Variants in AGMO observed in about 807,000 individuals in gnomAD.
AGMO encodes alkylglycerol monooxygenase, also known as glyceryl-ether monooxygenase.
Under a neutral mutation model 60.2 loss-of-function variants are expected in AGMO, and 75 were observed. That is an observed-to-expected ratio of 1.25 (90% confidence interval 1.03 to 1.51). The LOEUF is 1.51. Ranked by LOEUF, AGMO falls within the 40% of genes most tolerant of loss-of-function variation. AGMO has a pLI of 0.00. For missense variants in AGMO, 763 were observed against 525.5 expected (o/e 1.45, Z -4.42); for synonymous variants, 261 against 177.1 (o/e 1.47, Z -3.76).
chr7:15,124,391 C>T, the AGMO span, among the ~76,000 whole-genome samples: 2 of 151,804 alleles, frequency 1.3e-5, no homozygotes, highest in South Asian at 2.1e-4. Flanking sequence ...CCAGTTATCA[C>T]GGCAATAGAA....
At chr7:15,440,052 G>T (rs1051582636) in intron 3 of AGMO, among the ~76,000 whole-genome samples, 1 of 152,198 alleles carries the variant, frequency 6.6e-6, no homozygotes, top group Non-Finnish European at 1.5e-5. Flanking sequence ...AAGAGAAAGC[G>T]AGAGGGGGTT....
intron 10 of AGMO, among the ~76,000 whole-genome samples, chr7:15,373,041 T>TTCAA (rs919083870): frequency 3.5e-4 from 53 of 152,168 alleles, no homozygotes; most frequent in African/African-American, 1.2e-3. Context: ...AGGTCGGCAA[T>TTCAA]TCACTTGAGG....
At chr7:15,137,907 C>G in the AGMO span, among the ~76,000 whole-genome samples, 1 of 121,064 alleles carries the variant, frequency 8.3e-6, no homozygotes, top group Non-Finnish European at 1.6e-5. Context: ...TTAACTGAAA[C>G]AAGTGCTCTC....
chr7:15,154,150 C>G, the AGMO span, among the ~76,000 whole-genome samples: 1 of 152,090 alleles, frequency 6.6e-6, no homozygotes. Flanking sequence ...ATCCAAAAAG[C>G]TCCTAGAACT....
chr7:15,298,138 GAAAC>G (rs1457103518), intron 12 of AGMO, among the ~76,000 whole-genome samples: 18 of 152,214 alleles, frequency 1.2e-4, no homozygotes, highest in African/African-American at 4.1e-4. Flanking sequence ...TTAAAACTGA[GAAAC>G]AGATAGACTA....
chr7:15,142,492 T>G, the AGMO span, among the ~76,000 whole-genome samples: 2 of 152,216 alleles, frequency 1.3e-5, no homozygotes, highest in African/African-American at 4.8e-5. Context: ...TGATGTTTAT[T>G]ATTCAGCCTC....
At chr7:15,350,160 A>C in intron 12 of AGMO, among the ~76,000 whole-genome samples, 1 of 152,144 alleles carries the variant, frequency 6.6e-6, no homozygotes, top group East Asian at 1.9e-4. Context: ...CCATTTCATC[A>C]TAGTAATTTA....
the AGMO span, among the ~76,000 whole-genome samples, chr7:15,163,134 G>A: frequency 2.0e-5 from 3 of 151,962 alleles, no homozygotes; most frequent in Non-Finnish European, 2.9e-5. Context: ...GAAGGTTATT[G>A]GTGTACAGAA....
the AGMO span, among the ~76,000 whole-genome samples, chr7:15,188,488 TA>T: frequency 1.3e-5 from 2 of 152,204 alleles, no homozygotes; most frequent in African/African-American, 4.8e-5. Context: ...ATACTGTCAA[TA>T]AGGACATGAG....
chr7:15,372,227 G>A (rs1004954046), intron 10 of AGMO, among the ~76,000 whole-genome samples: 12 of 152,006 alleles, frequency 7.9e-5, no homozygotes, highest in Non-Finnish European at 1.6e-4. Context: ...GAGGTGAGCG[G>A]ATCACTTGAG....
At chr7:15,345,828 T>A (rs916934762) in intron 12 of AGMO, among the ~76,000 whole-genome samples, 3 of 152,202 alleles carry the variant, frequency 2.0e-5, no homozygotes, top group African/African-American at 4.8e-5. Context: ...GTATGAGTCC[T>A]GACCCTCTAT....
the AGMO span, among the ~76,000 whole-genome samples, chr7:15,140,092 A>C: frequency 1.5e-4 from 22 of 151,342 alleles, no homozygotes; most frequent in East Asian, 3.1e-3. Flanking sequence ...ATAAATTATA[A>C]AAATATAATA....
At chr7:15,324,600 A>C (rs982218703) in intron 12 of AGMO, among the ~76,000 whole-genome samples, 2 of 151,854 alleles carry the variant, frequency 1.3e-5, no homozygotes, top group African/African-American at 4.8e-5. Context: ...CTGTCCTCTA[A>C]TGTAGTGGCC....
At chr7:15,406,461 G>T (rs571731506) in intron 5 of AGMO, among the ~76,000 whole-genome samples, 162 of 114,556 alleles carry the variant, frequency 1.4e-3, no homozygotes, top group African/African-American at 5.2e-3. Flanking sequence ...ATATACCCAC[G>T]TATACACATA....
At chr7:15,280,398 G>T (rs115236119) in intron 12 of AGMO, among the ~76,000 whole-genome samples, 1 of 152,126 alleles carries the variant, frequency 6.6e-6, no homozygotes, top group African/African-American at 2.4e-5. Flanking sequence ...CATGACCCCA[G>T]TGTCCAGAGA....
the AGMO span, among the ~76,000 whole-genome samples, chr7:15,119,556 T>C: frequency 6.6e-6 from 1 of 152,162 alleles, no homozygotes; most frequent in Non-Finnish European, 1.5e-5. Context: ...CCTTGCAACA[T>C]CTCTGACTTT....
intron 3 of AGMO, among the ~76,000 whole-genome samples, chr7:15,530,668 T>TAC (rs1784287300): frequency 1.4e-5 from 2 of 139,934 alleles, no homozygotes; most frequent in Admixed American, 7.6e-5. Flanking sequence ...TACGTATTTC[T>TAC]ATATATATAT....
chr7:15,138,665 C>T, the AGMO span, among the ~76,000 whole-genome samples: 68,200 of 151,886 alleles, frequency 0.45, 15,660 homozygotes, highest in East Asian at 0.66. Context: ...GTTTTCTAAA[C>T]ACCAATGTTT....
chr7:15,325,866 G>A lies in AGMO; in HGVS notation c.1263+39648C>T, dbSNP rs558057552. ...ATAGCAATTTATGACATCTTGACTTGGTTGTTCGCAATTTGTTTCTGTCCC... is the reference window on the plus strand; with the variant it reads ...ATAGCAATTTATGACATCTTGACTTAGTTGTTCGCAATTTGTTTCTGTCCC... On this transcript the variant is annotated intron_variant, in intron 12 of 12. Transcript: ENST00000342526. 4.6e-5 allele frequency among the ~76,000 whole-genome samples: 7 copies of A among 152,002 alleles called. No individual in the cohort carries two copies. The East Asian group carries it at 1.4e-3, about 29-fold the overall frequency.
Sources: gnomAD v4.1 joint callset for allele counts (sites outside exome capture counted in the v4.1 genomes callset) on GRCh38, gnomAD v4.1.1 for gene constraint, MANE v1.5 for transcripts, NCBI Gene and HGNC (gene_info 2026-07-23, HGNC 2026-07-21) for gene names.